Variants in WDR11 observed in about 807,000 individuals in gnomAD.
WDR11 encodes WD repeat domain 11.
A neutral mutation model predicts 151.2 loss-of-function variants in WDR11; 83 were observed. That is an observed-to-expected ratio of 0.55 (90% CI 0.46 to 0.66). The LOEUF (loss-of-function observed/expected upper bound fraction) is 0.66, where lower values mean the gene tolerates loss of function less well. Among genes scored for constraint, WDR11 ranks in the 30% least tolerant of loss-of-function variants. The pLI is 0.00. For missense variants in WDR11, 1,301 were observed against 1,480.9 expected (o/e 0.88, Z 1.99); for synonymous variants, 484 against 533.1 (o/e 0.91, Z 1.27).
At chr10:120,904,911 T>G in intron 25 of WDR11, 100 bp downstream of exon 25, 1 of 1,402,934 alleles carries the variant, frequency 7.1e-7, no homozygotes, top group Non-Finnish European at 1.0e-6. Context: ...CTTTTACATA[T>G]GCTGAAGAAA....
At chr10:120,882,537 C>A (rs1590089413) in intron 13 of WDR11, among the ~76,000 whole-genome samples, 2 of 113,508 alleles carry the variant, frequency 1.8e-5, no homozygotes, top group Admixed American at 1.9e-4. Context: ...AATACAAATT[C>A]AGTTTTGTTT....
chr10:120,890,137 A>G (rs1300062659), intron 18 of WDR11, 128 bp downstream of exon 18: 8 of 676,928 alleles, frequency 1.2e-5, no homozygotes, highest in Non-Finnish European at 2.1e-5. Context: ...TCCCATAACA[A>G]ATTATTTTCT....
At chr10:120,878,223 A>T in intron 11 of WDR11, 130 bp from the exon 12 acceptor site, 1 of 688,164 alleles carries the variant, frequency 1.5e-6, no homozygotes, top group Non-Finnish European at 2.5e-6. Flanking sequence ...TTAAGATAAA[A>T]GGTCATGCTT....
chr10:120,860,354 A>G, intron 4 of WDR11, 72 bp downstream of exon 4: 2 of 1,492,962 alleles, frequency 1.3e-6, no homozygotes, highest in South Asian at 2.3e-5. Flanking sequence ...TGTGCATGAG[A>G]TATACACACA....
At chr10:120,905,766 G>T in intron 26 of WDR11, 110 bp from the exon 27 acceptor site, 1 of 1,580,582 alleles carries the variant, frequency 6.3e-7, no homozygotes. Context: ...TGCTAGTCAA[G>T]CAGAGCATAG....
rs771422650 is a variant in WDR11, at chr10:120,904,753, C to A, written c.3135C>A (p.Pro1045=). Residue 1045 remains proline (P), a synonymous_variant, in exon 25 of 29, where the codon CCC becomes CCA. Coordinates refer to ENST00000263461, the MANE Select transcript of WDR11 (RefSeq NM_018117.12). ...CLVTTVTSSG[P]SQSTIKLVAT... ...TCACTACTGTCACCTCGTCAGGCCC[C>A]TCTCAGAGCACCATTAAGTTGGTGG... 1.9e-6 allele frequency: 3 copies of A among 1,614,160 alleles called. No individual in the cohort carries two copies. The highest frequency in any genetic ancestry group is 3.3e-4 in the Middle Eastern group (2 of 6,062).
intron 11 of WDR11, among the ~76,000 whole-genome samples, chr10:120,874,632 T>A (rs1201908337): frequency 6.6e-6 from 1 of 151,994 alleles, no homozygotes; most frequent in African/African-American, 2.4e-5. Context: ...ATTGTTCAAC[T>A]CCCACTTATG....
intron 4 of WDR11, 60 bp from the exon 5 acceptor site, chr10:120,862,675 A>G: frequency 2.6e-6 from 4 of 1,547,834 alleles, no homozygotes; most frequent in Non-Finnish European, 3.6e-6. Context: ...TTGTATTGGA[A>G]TAAAACTGTA....
chr10:120,874,847 T>C (rs146107625), intron 11 of WDR11, among the ~76,000 whole-genome samples: 6,487 of 151,638 alleles, frequency 0.043, 163 homozygotes, highest in Middle Eastern at 0.072. Context: ...GTGCAGAATG[T>C]GCAGGTTTGT....
rs151039305 is a variant in WDR11, at chr10:120,875,410, T to C, written c.1556+1487T>C. 4.2e-3 allele frequency among the ~76,000 whole-genome samples: 644 copies of C among 152,362 alleles called. 15 individuals carry two copies. Among genetic ancestry groups the C allele is most frequent in the Admixed American group, 0.039 (595 of 15,308 alleles). On this transcript the variant is annotated intron_variant, in intron 11 of 28. Coordinates refer to ENST00000263461, the MANE Select transcript of WDR11 (RefSeq NM_018117.12). Reference sequence around the variant, plus strand: ...TCTGTTCCAAAATGCCTACCTGTGCTGTCCATAGCATTATTTCGCTGAATG... The same window carrying C: ...TCTGTTCCAAAATGCCTACCTGTGCCGTCCATAGCATTATTTCGCTGAATG...
chr10:120,907,225 A>C (rs1446430055), intron 28 of WDR11: 1 of 270,136 alleles, frequency 3.7e-6, no homozygotes, highest in African/African-American at 2.2e-5. Flanking sequence ...CATGGAATAA[A>C]TTTTATATAT....
At chr10:120,880,475 C>T (rs2133774321) in intron 12 of WDR11, 1 of 245,680 alleles carries the variant, frequency 4.1e-6, no homozygotes, top group South Asian at 5.1e-5. Flanking sequence ...GCCTGGCCAA[C>T]ATGGTGAAAC....
intron 26 of WDR11, chr10:120,905,660 A>G: frequency 1.1e-6 from 1 of 884,366 alleles, no homozygotes; most frequent in African/African-American, 1.7e-5. Context: ...CCAGAGTCTG[A>G]GCCGAAACTA....
At chr10:120,869,823 C>G (rs1335229805) in intron 9 of WDR11, among the ~76,000 whole-genome samples, 5 of 151,858 alleles carry the variant, frequency 3.3e-5, no homozygotes, top group Non-Finnish European at 7.4e-5. Flanking sequence ...TGGAGTCTCG[C>G]TCTGTCACCA....
At chr10:120,869,260 G>C (rs1431719556) in intron 9 of WDR11, among the ~76,000 whole-genome samples, 1 of 151,782 alleles carries the variant, frequency 6.6e-6, no homozygotes, top group East Asian at 1.9e-4. Context: ...ACAGGCGCCC[G>C]CCACCACGCC....
chr10:120,889,121 C>T lies in WDR11; in HGVS notation c.2165C>T (p.Thr722Ile), dbSNP rs1173848869. 1.2e-6 allele frequency: 2 copies of T among 1,613,706 alleles called. No homozygotes were observed. The highest frequency in any genetic ancestry group is 1.7e-6 in the Non-Finnish European group (2 of 1,179,950). The change falls in exon 17 of 29, where the codon ACA (threonine) becomes ATA (isoleucine). Residue 722 changes from threonine to isoleucine, a missense_variant. Around this residue, in one of 3 missense-constraint regions of WDR11, gnomAD observed 589 missense variants for 670.6 expected, o/e 0.88. Coordinates refer to ENST00000263461, the MANE Select transcript of WDR11 (RefSeq NM_018117.12). Reference protein sequence around the residue: ...SITCIAWKGDTLVLGDMDGNL... With the variant: ...SITCIAWKGDILVLGDMDGNL... ...ACCTGCATCGCTTGGAAAGGTGATA[C>T]ATTAGTGCTTGGAGATATGGATGGA...
At chr10:120,887,119 T>A (rs1847248579) in intron 16 of WDR11, among the ~76,000 whole-genome samples, 2 of 152,208 alleles carry the variant, frequency 1.3e-5, no homozygotes, top group Non-Finnish European at 2.9e-5. Context: ...ATAAGTAACT[T>A]TCCCAAAGTT....
intron 19 of WDR11, among the ~76,000 whole-genome samples, chr10:120,896,513 T>C (rs891420378): frequency 2.0e-5 from 3 of 152,114 alleles, no homozygotes; most frequent in Non-Finnish European, 4.4e-5. Context: ...GTAACAACAA[T>C]ATTGGTAACA....
chr10:120,904,145 A>G lies in WDR11; in HGVS notation c.3027+3A>G, dbSNP rs766687050. On this transcript the variant is annotated splice_donor_region_variant and intron_variant, in intron 24 of 28. Transcript: ENST00000263461. ...ACCAGCTACTGCTCTTGGGTCAAGTATGTCAGTTTTTATAACTCTACATGC... is the reference window on the plus strand; with the variant it reads ...ACCAGCTACTGCTCTTGGGTCAAGTGTGTCAGTTTTTATAACTCTACATGC... 2 of 1,606,752 alleles carry G rather than the reference A, an allele frequency of 1.2e-6. No individual in the cohort carries two copies. The highest frequency in any genetic ancestry group is 2.2e-5 in the South Asian group (2 of 90,946).
Sources: allele counts gnomAD v4.1 joint callset (sites outside exome capture counted in the v4.1 genomes callset), GRCh38; gene constraint gnomAD v4.1.1; regional missense constraint gnomAD v4.1.1; transcripts MANE v1.5; gene names NCBI Gene and HGNC (gene_info 2026-07-23, HGNC 2026-07-21).